The following INPP5B variants were observed in gnomAD, a reference collection of about 807,000 sequenced individuals.
INPP5B encodes inositol polyphosphate-5-phosphatase B.
In INPP5B, 90 loss-of-function variants were observed where a neutral mutation model predicts 118.5. The ratio of observed to expected loss-of-function variants is 0.76; its 90% CI spans 0.64 to 0.90. The LOEUF is 0.90. INPP5B is among the 40% of genes least tolerant of loss of function. INPP5B has a pLI of 0.00. For synonymous variants in INPP5B, 385 were observed against 418.9 expected (o/e 0.92, Z 0.99); for missense variants, 984 against 1,125.6 (o/e 0.87, Z 1.80).
rs545052584 is a variant in INPP5B at position 37,933,518 on chromosome 1, A to G, written c.392-1465T>C. Among the ~76,000 whole-genome samples the G allele has an allele frequency of 8.5e-5, 13 of 152,220 alleles. No individual in the cohort carries two copies. The East Asian group carries it at 2.5e-3, about 29-fold the overall frequency. On this transcript the variant is annotated intron_variant, in intron 6 of 23. Transcript: ENST00000373024. Reference sequence around the variant, plus strand: ...AGCTGAGATCGCACCACAGCACTCCAACCTGGGTGAAAGAGTGAGACTCTG... The same window carrying G: ...AGCTGAGATCGCACCACAGCACTCCGACCTGGGTGAAAGAGTGAGACTCTG...
intron 15 of INPP5B, 148 bp downstream of exon 15, chr1:37,879,937 T>C: frequency 2.0e-6 from 1 of 497,986 alleles, no homozygotes. Flanking sequence ...CATGAGCAGA[T>C]ACTGAGAGAA....
chr1:37,926,702 T>C (rs1437317483), intron 7 of INPP5B, among the ~76,000 whole-genome samples: 1 of 152,192 alleles, frequency 6.6e-6, no homozygotes, highest in Non-Finnish European at 1.5e-5. Flanking sequence ...ATTTCCTTTT[T>C]AGTGCATAGT....
intron 5 of INPP5B, among the ~76,000 whole-genome samples, chr1:37,941,895 G>A (rs1255586444): frequency 8.8e-5 from 9 of 102,366 alleles, no homozygotes; most frequent in Non-Finnish European, 1.4e-4. Flanking sequence ...CCGAGATCGC[G>A]CCACTGCACT....
chr1:37,928,836 C>T (rs1396083985), intron 7 of INPP5B: 1 of 152,130 alleles, frequency 6.6e-6, no homozygotes, highest in East Asian at 1.9e-4. Flanking sequence ...TTTCTCTAGG[C>T]TATCAAGTAG....
chr1:37,862,141 C>T lies in INPP5B; in HGVS notation c.*174G>A. 1.8e-6 allele frequency: 1 copy of T among 554,798 alleles called. No individual in the cohort carries two copies. Among genetic ancestry groups the T allele is most frequent in the South Asian group, 2.7e-5 (1 of 37,666 alleles). The allele number at this position is 554,798 out of a possible 1,614,324, so 34.4% of individuals were successfully genotyped here. Reference sequence around the variant, plus strand: ...GATTTTCTCCCGTGTCTTCACGACTCACAGCGCTGAGTGTGCTAACCAATG... The same window carrying T: ...GATTTTCTCCCGTGTCTTCACGACTTACAGCGCTGAGTGTGCTAACCAATG... On this transcript the variant is annotated 3_prime_UTR_variant, in exon 24 of 24. Transcript: ENST00000373024.
At chr1:37,895,657 C>T (rs891878149) in intron 7 of INPP5B, among the ~76,000 whole-genome samples, 81 of 152,206 alleles carry the variant, frequency 5.3e-4, no homozygotes, top group African/African-American at 1.8e-3. Context: ...CGATTGCAGG[C>T]GCGCGCCGCC....
At chr1:37,917,194 C>T (rs1644895504) in intron 7 of INPP5B, among the ~76,000 whole-genome samples, 1 of 146,424 alleles carries the variant, frequency 6.8e-6, no homozygotes, top group Non-Finnish European at 1.5e-5. Context: ...GAGGCTGAGG[C>T]AGGAGAATTG....
intron 7 of INPP5B, among the ~76,000 whole-genome samples, chr1:37,926,099 C>A (rs116836637): frequency 6.6e-6 from 1 of 152,116 alleles, no homozygotes; most frequent in Non-Finnish European, 1.5e-5. Context: ...AAAACCACCC[C>A]GGGGGCTATT....
intron 6 of INPP5B, among the ~76,000 whole-genome samples, chr1:37,938,286 T>C (rs2148682890): frequency 6.8e-6 from 1 of 146,696 alleles, no homozygotes; most frequent in South Asian, 2.1e-4. Flanking sequence ...AATAAATAAA[T>C]AAATAAATAA....
intron 5 of INPP5B, among the ~76,000 whole-genome samples, chr1:37,941,622 C>CT (rs1645914205): frequency 1.3e-5 from 2 of 151,228 alleles, no homozygotes; most frequent in African/African-American, 4.9e-5. Context: ...GCCCGAGTGA[C>CT]AGAGCAAGAT....
intron 12 of INPP5B, 97 bp from the exon 13 acceptor site, chr1:37,885,922 G>A (rs1643502540): frequency 1.8e-6 from 2 of 1,102,984 alleles, no homozygotes; most frequent in African/African-American, 3.1e-5. Flanking sequence ...GCTCACGCCT[G>A]TAATCCCAGC....
At chr1:37,905,528 G>A (rs1644475244) in intron 7 of INPP5B, among the ~76,000 whole-genome samples, 1 of 152,198 alleles carries the variant, frequency 6.6e-6, no homozygotes, top group African/African-American at 2.4e-5. Flanking sequence ...ATGTAAAATT[G>A]TTACATGCCA....
chr1:37,887,090 A>G, intron 11 of INPP5B, 86 bp from the exon 12 acceptor site: 1 of 1,090,838 alleles, frequency 9.2e-7, no homozygotes, highest in Non-Finnish European at 1.4e-6. Flanking sequence ...GCTGGCTGAG[A>G]GTATTCACGT....
chr1:37,945,868 G>C lies in INPP5B; in HGVS notation c.58-18C>G, dbSNP rs749524115. ...TGCACCGCCTGCGGCTCAGAGTCAA[G>C]GGAAGACAACCCAGAGGCGAGGCCT... On this transcript the variant is annotated intron_variant, in intron 2 of 23. Coordinates refer to ENST00000373024, the MANE Select transcript of INPP5B (RefSeq NM_005540.3). 1 of 1,612,816 alleles carries C rather than the reference G, an allele frequency of 6.2e-7. No homozygotes were observed.
chr1:37,900,929 A>T (rs1644309960), intron 7 of INPP5B, among the ~76,000 whole-genome samples: 1 of 151,932 alleles, frequency 6.6e-6, no homozygotes, highest in Admixed American at 6.6e-5. Flanking sequence ...CTCCTGCCTC[A>T]GCCTCCTGAG....
At position 37,875,705 on chromosome 1, in the gene INPP5B, T is replaced by A. The variant is rs1182153121; in HGVS notation, c.1689A>T (p.Val563=). ...SSVFDIGVRV[V]NDELYRKTLE... is the part of the protein sequence containing the mutation. ...GTGTCTTCCGGTAAAGCTCGTCATT[T>A]ACGACCCTCACCTGAAAGGGAAACA... The change falls in exon 17 of 24, where the codon GTA becomes GTT. Residue 563 remains valine (V), a synonymous_variant. Coordinates refer to ENST00000373024, the MANE Select transcript of INPP5B (RefSeq NM_005540.3). The A allele has an allele frequency of 3.1e-6, 5 of 1,613,622 alleles. No homozygotes were observed. The highest frequency in any genetic ancestry group is 4.2e-6 in the Non-Finnish European group (5 of 1,179,598).
At chr1:37,935,334 G>A (rs560435888) in intron 6 of INPP5B, among the ~76,000 whole-genome samples, 3 of 150,916 alleles carry the variant, frequency 2.0e-5, no homozygotes, top group East Asian at 2.1e-4. Context: ...TGGGACTACA[G>A]GCACGTGCCA....
At chr1:37,917,653 C>A (rs1000712269) in intron 7 of INPP5B, among the ~76,000 whole-genome samples, 13 of 151,776 alleles carry the variant, frequency 8.6e-5, no homozygotes, top group African/African-American at 2.9e-4. Flanking sequence ...TTTGATTTTA[C>A]CTAAATTAAG....
intron 7 of INPP5B, among the ~76,000 whole-genome samples, chr1:37,899,994 G>A (rs745434447): frequency 4.6e-5 from 7 of 151,810 alleles, no homozygotes; most frequent in Non-Finnish European, 7.4e-5. Context: ...GATTACAGGC[G>A]TGAGCCACTG....
Sources: gnomAD v4.1 joint callset for allele counts (sites outside exome capture counted in the v4.1 genomes callset) on GRCh38, gnomAD v4.1.1 for gene constraint, MANE v1.5 for transcripts, NCBI Gene and HGNC (gene_info 2026-07-23, HGNC 2026-07-21) for gene names.